The following PRKAG2 variants were observed in gnomAD, a reference collection of about 807,000 sequenced individuals.
PRKAG2 encodes the protein 5'-AMP-activated protein kinase subunit gamma-2.
PRKAG2 carries 26 observed loss-of-function variants against 69.6 expected under a neutral mutation model. The ratio of observed to expected loss-of-function variants is 0.37; its 90% CI spans 0.27 to 0.52. The LOEUF is 0.52. Ranked by LOEUF, PRKAG2 falls within the 20% of genes least tolerant of loss-of-function variation. The probability of loss-of-function intolerance (pLI) is 0.90; values close to 1 mark genes in which losing one functional copy is unlikely to be tolerated. For missense variants in PRKAG2, 557 were observed against 740.0 expected (o/e 0.75, Z 2.87); for synonymous variants, 293 against 285.0 (o/e 1.03, Z -0.28).
At chr7:151,823,063 C>G (rs2078828597) in intron 1 of PRKAG2, among the ~76,000 whole-genome samples, 1 of 145,582 alleles carries the variant, frequency 6.9e-6, no homozygotes, top group African/African-American at 2.5e-5. Context: ...AACGCAAGCT[C>G]AACTGCAGAA....
At chr7:151,572,588 A>G in intron 9 of PRKAG2, 76 bp downstream of exon 9, 1 of 1,111,814 alleles carries the variant, frequency 9.0e-7, no homozygotes, top group Non-Finnish European at 1.3e-6. Context: ...AAGGATCTGC[A>G]AAATGAAAAC....
At chr7:151,594,093 A>G (rs1813865630) in intron 6 of PRKAG2, among the ~76,000 whole-genome samples, 1 of 152,192 alleles carries the variant, frequency 6.6e-6, no homozygotes, top group Non-Finnish European at 1.5e-5. Context: ...TGGAAGGATC[A>G]TCTAAGGCAG....
At chr7:151,809,722 G>A (rs1282956264) in intron 1 of PRKAG2, 1 of 156,806 alleles carries the variant, frequency 6.4e-6, no homozygotes, top group Non-Finnish European at 1.4e-5. Context: ...TTAGGTACTA[G>A]AAAACCTTGG....
intron 1 of PRKAG2, among the ~76,000 whole-genome samples, chr7:151,820,951 C>T (rs558264262): frequency 9.6e-3 from 25 of 2,604 alleles, no homozygotes; most frequent in Non-Finnish European, 0.038. Flanking sequence ...TCTTAGGACC[C>T]CCCCCAGCCA....
At position 151,632,394 on chromosome 7, in the gene PRKAG2, C is replaced by T. The variant is rs1264319925; in HGVS notation, c.685-256G>A. On this transcript the variant is annotated intron_variant, in intron 4 of 15. Coordinates refer to ENST00000287878, the MANE Select transcript of PRKAG2 (RefSeq NM_016203.4). The surrounding 1 kb of genome is among the most constrained non-coding windows in gnomAD (Gnocchi z 4.2). ...CCGCGAGTGGGACGCGCCGCTCCCC[C>T]CCGCGCCTTGGTACGGCCCGCCCGG... 4.2e-6 allele frequency: 2 copies of T among 481,766 alleles called. No homozygotes were observed. The highest frequency in any genetic ancestry group is 1.8e-4 in the South Asian group (2 of 11,322). 29.8% of individuals were successfully genotyped at this position (481,766 alleles called of 1,614,324 possible).
chr7:151,621,973 G>A (rs1181324512), intron 5 of PRKAG2, among the ~76,000 whole-genome samples: 1 of 152,066 alleles, frequency 6.6e-6, no homozygotes, highest in Non-Finnish European at 1.5e-5. Flanking sequence ...ATTTTTTCCT[G>A]AACAGACTTG....
chr7:151,624,017 A>ACAAATGAC (rs112580108), intron 5 of PRKAG2, among the ~76,000 whole-genome samples: 2 of 152,350 alleles, frequency 1.3e-5, no homozygotes, highest in African/African-American at 2.4e-5. Flanking sequence ...CCTGTCAGTT[A>ACAAATGAC]CAAATGACCA....
chr7:151,706,573 C>T (rs1838646664), intron 3 of PRKAG2, among the ~76,000 whole-genome samples: 1 of 152,198 alleles, frequency 6.6e-6, no homozygotes, highest in Admixed American at 6.5e-5. Context: ...GCAACCAGCA[C>T]CCTGACCTGC....
At chr7:151,783,054 C>T (rs1443215732) in intron 2 of PRKAG2, among the ~76,000 whole-genome samples, 5 of 152,226 alleles carry the variant, frequency 3.3e-5, no homozygotes, top group African/African-American at 9.6e-5. Flanking sequence ...TGTCCCACCA[C>T]GGGGTGCGCT....
chr7:151,852,536 G>A (rs971920362), intron 1 of PRKAG2, among the ~76,000 whole-genome samples: 10 of 152,114 alleles, frequency 6.6e-5, no homozygotes, highest in African/African-American at 2.4e-4. Flanking sequence ...AGCCTCATGT[G>A]CCCTCCACTG....
intron 3 of PRKAG2, among the ~76,000 whole-genome samples, chr7:151,729,911 C>T (rs967151975): frequency 6.6e-6 from 1 of 152,198 alleles, no homozygotes; most frequent in Non-Finnish European, 1.5e-5. Context: ...CGTTTGCCAT[C>T]GAAACAAGGC....
chr7:151,605,393 AAAC>A (rs1817259646), intron 5 of PRKAG2, among the ~76,000 whole-genome samples: 1 of 152,070 alleles, frequency 6.6e-6, no homozygotes, highest in Non-Finnish European at 1.5e-5. Flanking sequence ...ATAATTTTAA[AAAC>A]AAAAATAAAA....
At chr7:151,795,141 C>T (rs1262444252) in intron 1 of PRKAG2, among the ~76,000 whole-genome samples, 2 of 152,248 alleles carry the variant, frequency 1.3e-5, no homozygotes, top group East Asian at 3.8e-4. Flanking sequence ...TTCTTCCAGC[C>T]TGTCTGAGAT....
intron 5 of PRKAG2, among the ~76,000 whole-genome samples, chr7:151,597,997 A>G (rs935580646): frequency 1.2e-4 from 18 of 152,208 alleles, no homozygotes; most frequent in African/African-American, 4.3e-4. Context: ...TGTTCATGAC[A>G]CATGTGCACT....
chr7:151,839,012 CAAA>C (rs749220807), intron 1 of PRKAG2, among the ~76,000 whole-genome samples: 21 of 80,034 alleles, frequency 2.6e-4, no homozygotes, highest in African/African-American at 6.3e-4. Flanking sequence ...GAGACTGTCT[CAAA>C]AAAAAAAAAA....
At chr7:151,566,370 C>A (rs1806260819) in intron 11 of PRKAG2, among the ~76,000 whole-genome samples, 2 of 152,146 alleles carry the variant, frequency 1.3e-5, no homozygotes, top group African/African-American at 2.4e-5. Flanking sequence ...CTCACGCCAC[C>A]CGCCTCTACA....
intron 4 of PRKAG2, among the ~76,000 whole-genome samples, chr7:151,653,750 G>A (rs922568919): frequency 1.3e-5 from 2 of 152,310 alleles, no homozygotes; most frequent in South Asian, 4.1e-4. Context: ...GCTGAGGCAG[G>A]AGAATCACTT....
At chr7:151,569,895 A>T (rs1250547236) in intron 10 of PRKAG2, among the ~76,000 whole-genome samples, 1 of 152,202 alleles carries the variant, frequency 6.6e-6, no homozygotes, top group Non-Finnish European at 1.5e-5. Context: ...AAAGCCCAGG[A>T]ATCTGCAATT....
At chr7:151,558,751 C>G in intron 15 of PRKAG2, 1 of 985,374 alleles carries the variant, frequency 1.0e-6, no homozygotes, top group Non-Finnish European at 1.2e-6. Context: ...AACATACATT[C>G]CAAATTCCAG....
Sources: gnomAD v4.1 joint callset for allele counts (sites outside exome capture counted in the v4.1 genomes callset) on GRCh38, gnomAD v4.1.1 for gene constraint, Gnocchi (gnomAD v3.1) non-coding constraint, MANE v1.5 for transcripts, NCBI Gene and HGNC (gene_info 2026-07-23, HGNC 2026-07-21) for gene names.